Variants in CCSER1 observed in about 807,000 individuals in gnomAD.
CCSER1 encodes the protein serine-rich coiled-coil domain-containing protein 1.
A neutral mutation model predicts 82.0 loss-of-function variants in CCSER1; 41 were observed. The ratio of observed to expected loss-of-function variants is 0.50; its 90% CI spans 0.39 to 0.65. CCSER1 has a LOEUF of 0.65. Ranked by LOEUF, CCSER1 falls within the 30% of genes least tolerant of loss-of-function variation. The pLI is 0.00. For missense variants in CCSER1, 1,119 were observed against 1,064.2 expected (o/e 1.05, Z -0.72); for synonymous variants, 414 against 383.9 (o/e 1.08, Z -0.92).
In CCSER1 at chr4:90,967,966, G is replaced by GT. The variant is rs1030737597; in HGVS notation, c.2172+44520dup. ...CCTTTTCCCAAGGCAGTAAAGCTCAGTGCCAAGAGAGACCCTCTTAATCCA... is the reference window on the plus strand; with the variant it reads ...CCTTTTCCCAAGGCAGTAAAGCTCAGTTGCCAAGAGAGACCCTCTTAATCCA... On this transcript the variant is annotated intron_variant, in intron 9 of 10. Coordinates refer to ENST00000509176, the MANE Select transcript of CCSER1 (RefSeq NM_001145065.2). 3.3e-5 allele frequency among the ~76,000 whole-genome samples: 5 copies of GT among 152,138 alleles called. No individual in the cohort carries two copies. In the East Asian group the frequency reaches 9.7e-4, roughly 29 times the overall value.
At chr4:91,548,096 G>A (rs1445015080) in intron 10 of CCSER1, among the ~76,000 whole-genome samples, 2 of 151,942 alleles carry the variant, frequency 1.3e-5, no homozygotes, top group Non-Finnish European at 2.9e-5. Context: ...GCCCTTTTAT[G>A]GTTTTGAGTG....
At chr4:90,223,976 G>A in intron 1 of CCSER1, among the ~76,000 whole-genome samples, 1 of 152,180 alleles carries the variant, frequency 6.6e-6, no homozygotes, top group East Asian at 1.9e-4. Flanking sequence ...GATAGAACAT[G>A]CTCAGTAAAT....
intron 1 of CCSER1, among the ~76,000 whole-genome samples, chr4:90,259,981 C>T (rs1724021557): frequency 1.3e-5 from 2 of 152,146 alleles, no homozygotes; most frequent in Admixed American, 1.3e-4. Context: ...CTGGCTTCAT[C>T]GAATGACTTA....
At chr4:90,454,552 G>A (rs919490075) in intron 4 of CCSER1, among the ~76,000 whole-genome samples, 26 of 152,262 alleles carry the variant, frequency 1.7e-4, no homozygotes, top group Admixed American at 1.6e-3. Flanking sequence ...AAGCCCTCCA[G>A]TATGCACACC....
chr4:91,298,532 T>C lies in CCSER1; in HGVS notation c.2217+212538T>C, dbSNP rs1305353028. Among the ~76,000 whole-genome samples, 3 of 151,914 alleles carry C rather than the reference T, an allele frequency of 2.0e-5. No homozygotes were observed. The East Asian group carries it at 5.9e-4, about 30-fold the overall frequency. On this transcript the variant is annotated intron_variant, in intron 10 of 10. Transcript: ENST00000509176. The stretch of plus-strand genomic sequence containing the variant: ...GCTGTACTCTGATGGCAAGGGAAAA[T>C]GGTGAATGTGGTTTCCAGGATTCAG...
At chr4:90,704,674 T>G (rs1738940725) in intron 6 of CCSER1, among the ~76,000 whole-genome samples, 1 of 152,210 alleles carries the variant, frequency 6.6e-6, no homozygotes, top group South Asian at 2.1e-4. Context: ...TGTTCATTTC[T>G]TTTTGCTCTT....
chr4:90,301,905 C>T lies in CCSER1; in HGVS notation c.-41-6339C>T, dbSNP rs144467542. ...TATCTTTCATGAATAATTGAAGTTG[C>T]TATGATGACATATTGTTTCATTAAA... On this transcript the variant is annotated intron_variant, in intron 1 of 10. Coordinates refer to ENST00000509176, the MANE Select transcript of CCSER1 (RefSeq NM_001145065.2). Among the ~76,000 whole-genome samples, 897 of 152,130 alleles carry T rather than the reference C, an allele frequency of 5.9e-3. 7 individuals carry two copies. The highest frequency in any genetic ancestry group is 7.6e-3 in the Non-Finnish European group (518 of 67,970).
intron 9 of CCSER1, among the ~76,000 whole-genome samples, chr4:91,076,286 T>A (rs970588042): frequency 6.6e-6 from 1 of 151,918 alleles, no homozygotes; most frequent in African/African-American, 2.4e-5. Context: ...GTACCTCTTA[T>A]CTACTCTGGC....
chr4:90,561,212 G>C (rs550001620), intron 5 of CCSER1, among the ~76,000 whole-genome samples: 1 of 152,200 alleles, frequency 6.6e-6, no homozygotes, highest in Non-Finnish European at 1.5e-5. Flanking sequence ...TCTATCTCCT[G>C]CCTCAACACC....
intron 10 of CCSER1, among the ~76,000 whole-genome samples, chr4:91,378,250 T>C (rs936162726): frequency 1.3e-5 from 2 of 152,182 alleles, no homozygotes; most frequent in Admixed American, 1.3e-4. Context: ...TGTGGTTCCA[T>C]ATGAACTTTA....
chr4:90,351,982 A>G (rs566407436), intron 3 of CCSER1, among the ~76,000 whole-genome samples: 48 of 152,314 alleles, frequency 3.2e-4, no homozygotes, highest in African/African-American at 8.2e-4. Context: ...TCAACTTTAT[A>G]ATTTATGAGC....
intron 10 of CCSER1, among the ~76,000 whole-genome samples, chr4:91,401,315 GATATACTGTATATATATTACATATA>G (rs1357264200): frequency 6.8e-6 from 1 of 147,730 alleles, no homozygotes; most frequent in Admixed American, 6.8e-5. Context: ...ATACAATATA[GATATACTGTATATATATTACATATA>G]ATATACTACA....
chr4:91,168,811 G>C (rs1457100717), intron 10 of CCSER1, among the ~76,000 whole-genome samples: 1 of 152,136 alleles, frequency 6.6e-6, no homozygotes, highest in African/African-American at 2.4e-5. Flanking sequence ...CTGTGTCTGT[G>C]TAGAAAGAAG....
chr4:90,831,998 G>A (rs9790785), intron 8 of CCSER1, among the ~76,000 whole-genome samples: 2 of 151,578 alleles, frequency 1.3e-5, no homozygotes, highest in South Asian at 2.1e-4. Flanking sequence ...GTGTAATTAC[G>A]TTCTTAAAAT....
At chr4:90,189,666 T>C (rs1169402660) in intron 1 of CCSER1, among the ~76,000 whole-genome samples, 1 of 151,956 alleles carries the variant, frequency 6.6e-6, no homozygotes, top group East Asian at 1.9e-4. Flanking sequence ...TTTCTACCTT[T>C]CTCTGTGTAT....
intron 4 of CCSER1, among the ~76,000 whole-genome samples, chr4:90,406,477 C>A: frequency 6.6e-6 from 1 of 152,132 alleles, no homozygotes; most frequent in East Asian, 1.9e-4. Flanking sequence ...AGCAAAGAAA[C>A]AATGGACTTA....
intron 1 of CCSER1, among the ~76,000 whole-genome samples, chr4:90,262,887 A>C (rs1292284761): frequency 6.6e-6 from 1 of 152,140 alleles, no homozygotes; most frequent in Non-Finnish European, 1.5e-5. Flanking sequence ...TGCAATCCTG[A>C]ACCTGGGGAG....
chr4:91,532,582 A>T (rs918267108), intron 10 of CCSER1, among the ~76,000 whole-genome samples: 1 of 152,194 alleles, frequency 6.6e-6, no homozygotes, highest in African/African-American at 2.4e-5. Context: ...TATGGTTAGC[A>T]TGTCTTCAAT....
chr4:90,424,996 T>G (rs1446116893), intron 4 of CCSER1, among the ~76,000 whole-genome samples: 1 of 152,212 alleles, frequency 6.6e-6, no homozygotes, highest in East Asian at 1.9e-4. Flanking sequence ...AATTTTTGTT[T>G]TAGTCTTTAT....
Sources: gnomAD v4.1 joint callset for allele counts (sites outside exome capture counted in the v4.1 genomes callset) on GRCh38, gnomAD v4.1.1 for gene constraint, MANE v1.5 for transcripts, NCBI Gene and HGNC (gene_info 2026-07-23, HGNC 2026-07-21) for gene names.